Variants in DNAH17 observed in about 807,000 individuals in gnomAD.
The protein encoded by DNAH17 is axonemal beta dynein heavy chain 17.
Under a neutral mutation model 485.6 loss-of-function variants are expected in DNAH17, and 376 were observed. That is an observed-to-expected ratio of 0.77 (90% CI 0.71 to 0.84). The LOEUF is 0.84. Among genes scored for constraint, DNAH17 ranks in the 40% least tolerant of loss-of-function variants. DNAH17 has a pLI of 0.00. For synonymous variants in DNAH17, 3,031 were observed against 2,405.9 expected (o/e 1.26, Z -7.60); for missense variants, 6,370 against 5,839.3 (o/e 1.09, Z -2.96).
chr17:78,430,315 AATAAG>A (rs145799402), intron 75 of DNAH17, among the ~76,000 whole-genome samples: 24,178 of 152,114 alleles, frequency 0.16, 2,038 homozygotes, highest in Middle Eastern at 0.2. Flanking sequence ...TTGGGATAAA[AATAAG>A]ATAATTGATT....
In DNAH17 at chr17:78,544,800, C is replaced by CAAAAAAAAAAAAAAAAAAAA. The variant is rs55669221; in HGVS notation, c.2392-823_2392-804dup. ...TGGGGCACAGAGCGAGACTCAGTCT[C>CAAAAAAAAAAAAAAAAAAAA]AAAAAAAAAAAAAAAAAAAAAAAAG... is the stretch of plus-strand genomic sequence containing the variant. On this transcript the variant is annotated intron_variant, in intron 16 of 80. Coordinates refer to ENST00000389840, the MANE Select transcript of DNAH17 (RefSeq NM_173628.4). Among the ~76,000 whole-genome samples, 83 of 46,872 alleles carry CAAAAAAAAAAAAAAAAAAAA rather than the reference C, an allele frequency of 1.8e-3. 8 individuals carry two copies. Among genetic ancestry groups the CAAAAAAAAAAAAAAAAAAAA allele is most frequent in the African/African-American group, 2.7e-3 (27 of 10,142 alleles). The allele number at this position is 46,872 out of a possible 152,430, so 30.7% of individuals were successfully genotyped here. A position where few individuals can be genotyped will look rare whatever the true frequency, so the allele number is the denominator to read the frequency against.
intron 16 of DNAH17, among the ~76,000 whole-genome samples, chr17:78,549,460 G>T (rs903601068): frequency 6.6e-6 from 1 of 152,182 alleles, no homozygotes; most frequent in East Asian, 1.9e-4. Context: ...TGATGCAGAG[G>T]TGAACTTCTT....
At position 78,468,620 on chromosome 17, in the gene DNAH17, G is replaced by C. The variant is rs770667634; in HGVS notation, c.8775C>G (p.Leu2925=). The change falls in exon 55 of 81, where the codon CTC becomes CTG. Residue 2925 remains leucine, a synonymous_variant. Transcript: ENST00000389840. ...CTGCCGAAGACGGGAGCCCCACCTTGAGCTGTCTGCGCACTTTTTCGATGA... is the reference window on the plus strand; with the variant it reads ...CTGCCGAAGACGGGAGCCCCACCTTCAGCTGTCTGCGCACTTTTTCGATGA... ...KFFIEKVRRQ[L]KVILCFSPVG... 3.7e-6 allele frequency: 6 copies of C among 1,612,192 alleles called. No homozygotes were observed. The South Asian group carries it at 6.6e-5, about 18-fold the overall frequency.
At chr17:78,525,417 T>C (rs965910578) in intron 24 of DNAH17, among the ~76,000 whole-genome samples, 3 of 152,246 alleles carry the variant, frequency 2.0e-5, no homozygotes, top group African/African-American at 4.8e-5. Flanking sequence ...ATGGGCATGG[T>C]AAATGCCTCA....
Position 78,523,633 on chromosome 17 carries a change from T to C in DNAH17, c.3864+1376A>G, listed in dbSNP as rs987400893. On this transcript the variant is annotated intron_variant, in intron 25 of 80. Coordinates refer to ENST00000389840, the MANE Select transcript of DNAH17 (RefSeq NM_173628.4). ...GTCAAATAAGCCCATGAGAAGATAC[T>C]GGAGGCTGATGCCTGTAATACCAGC... Among the ~76,000 whole-genome samples the C allele has an allele frequency of 2.6e-5, 4 of 152,248 alleles. No individual in the cohort carries two copies. The East Asian group carries it at 7.7e-4, about 29-fold the overall frequency.
rs1453260698 is a variant in DNAH17, at chr17:78,510,519, A to T, written c.4114-13T>A. On this transcript the variant is annotated splice_polypyrimidine_tract_variant and intron_variant, in intron 26 of 80. Transcript: ENST00000389840. ...TTTTAAATTTCACCTAAGGGAAAAA[A>T]ATCCAGGCAGGATTCATTTCAGGTC... The T allele has an allele frequency of 6.2e-7, 1 of 1,613,412 alleles. No individual in the cohort carries two copies. The highest frequency in any genetic ancestry group is 2.2e-5 in the East Asian group (1 of 44,860).
chr17:78,518,983 A>T (rs891384999), intron 25 of DNAH17, among the ~76,000 whole-genome samples: 1 of 152,052 alleles, frequency 6.6e-6, no homozygotes, highest in South Asian at 2.1e-4. Context: ...TCTGGCTAAC[A>T]TGGTGAAACC....
chr17:78,501,750 C>T lies in DNAH17; in HGVS notation c.5314G>A (p.Val1772Met), dbSNP rs369607138. Residue 1772 changes from valine to methionine, a missense_variant, in exon 34 of 81, where the codon GTG (valine) becomes ATG (methionine). By Grantham distance (21) the Val-to-Met change is conservative. Transcript: ENST00000389840. The part of the protein sequence containing the change: ...HARDVVAKMI[V>M]AKVESSQAFT... Reference sequence around the variant, plus strand: ...GACAGGGGCGCTCATGCCTTGGCCACGATCATTTTGGCCACCACGTCCCGT... The same window carrying T: ...GACAGGGGCGCTCATGCCTTGGCCATGATCATTTTGGCCACCACGTCCCGT... 3,056 of 1,613,142 alleles carry T rather than the reference C, an allele frequency of 1.9e-3. 71 individuals carry two copies. The South Asian group carries it at 0.03, about 16-fold the overall frequency.
chr17:78,565,301 G>A (rs2092244941), intron 11 of DNAH17, among the ~76,000 whole-genome samples: 1 of 152,246 alleles, frequency 6.6e-6, no homozygotes, highest in South Asian at 2.1e-4. Flanking sequence ...CCACAGCAAG[G>A]AGGTGCTGTA....
chr17:78,497,920 A>G (rs1172589537), intron 37 of DNAH17, among the ~76,000 whole-genome samples: 1 of 152,140 alleles, frequency 6.6e-6, no homozygotes, highest in East Asian at 1.9e-4. Flanking sequence ...AGGTGGGTGG[A>G]TCACCTGAGG....
chr17:78,565,756 C>T (rs2143686856), intron 11 of DNAH17, among the ~76,000 whole-genome samples: 1 of 152,272 alleles, frequency 6.6e-6, no homozygotes, highest in East Asian at 1.9e-4. Flanking sequence ...GAGTTCGAGA[C>T]CAGCCCAACA....
At chr17:78,551,023 A>AGCCT (rs1432927202) in intron 16 of DNAH17, among the ~76,000 whole-genome samples, 1 of 152,230 alleles carries the variant, frequency 6.6e-6, no homozygotes, top group Non-Finnish European at 1.5e-5. Context: ...GTTCAAGACC[A>AGCCT]GCCTGGGCAA....
rs567911961 is a variant in DNAH17 at position 78,533,156 on chromosome 17, G to A, written c.2860-420C>T. The A allele has an allele frequency of 9.7e-5, 18 of 184,998 alleles. No homozygotes were observed. In the South Asian group the frequency reaches 1.7e-3, roughly 18 times the overall value. The allele number at this position is 184,998 out of a possible 1,614,324, so 11.5% of individuals were successfully genotyped here. ...ACGTTTGTCTGGGGAACCCCGAGAT[G>A]ACTCACACATTGATTCATTCATTCG... On this transcript the variant is annotated intron_variant, in intron 19 of 80. Transcript: ENST00000389840.
chr17:78,459,902 G>A lies in DNAH17; in HGVS notation c.9535C>T (p.Pro3179Ser), dbSNP rs773073825. 6.2e-7 allele frequency: 1 copy of A among 1,613,994 alleles called. No individual in the cohort carries two copies. Among genetic ancestry groups the A allele is most frequent in the Non-Finnish European group, 8.5e-7 (1 of 1,179,892 alleles). The change falls in exon 60 of 81, where the codon CCC becomes TCC. Residue 3179 changes from proline to serine, a missense_variant. Coordinates refer to ENST00000389840, the MANE Select transcript of DNAH17 (RefSeq NM_173628.4). ...MILTAPGGKI[P>S]KDKSWKAAKI... Reference sequence around the variant, plus strand: ...GCCGCCTTCCAGCTCTTGTCCTTGGGGATCTTGCCCCCAGGTGCGGTCAGA... The same window carrying A: ...GCCGCCTTCCAGCTCTTGTCCTTGGAGATCTTGCCCCCAGGTGCGGTCAGA...
chr17:78,450,625 C>T lies in DNAH17; in HGVS notation c.10899+57G>A, dbSNP rs781742877. On this transcript the variant is annotated intron_variant, in intron 67 of 80. Transcript: ENST00000389840. ...TCATGGTAGGGAGGCGCCGATCGCC[C>T]GTGGCCCAGCCTCCCAAGCCCTGGC... is the stretch of plus-strand genomic sequence containing the variant. 354 of 1,571,432 alleles carry T rather than the reference C, an allele frequency of 2.3e-4. 1 individual carries two copies. Among genetic ancestry groups the T allele is most frequent in the Middle Eastern group, 1.1e-3 (5 of 4,666 alleles).
At chr17:78,521,215 G>C (rs2090924550) in intron 25 of DNAH17, among the ~76,000 whole-genome samples, 2 of 152,186 alleles carry the variant, frequency 1.3e-5, no homozygotes, top group Admixed American at 6.5e-5. Flanking sequence ...AGACCAGCCT[G>C]GCCAACATGG....
chr17:78,450,578 C>T (rs895217013), intron 67 of DNAH17, 104 bp downstream of exon 67: 2 of 1,468,330 alleles, frequency 1.4e-6, no homozygotes, highest in African/African-American at 1.4e-5. Flanking sequence ...GCACGTATGA[C>T]CGAAGCTGCT....
chr17:78,532,384 A>G (rs1435114857), intron 20 of DNAH17, 98 bp downstream of exon 20: 1 of 1,447,434 alleles, frequency 6.9e-7, no homozygotes, highest in Non-Finnish European at 9.2e-7. Context: ...GGAAACCTGC[A>G]TCTTAAAACA....
In DNAH17 at chr17:78,540,087, A is replaced by G. The variant is rs571297729; in HGVS notation, c.2533-207T>C. 1.4e-4 allele frequency among the ~76,000 whole-genome samples: 21 copies of G among 152,096 alleles called. No homozygotes were observed. The South Asian group carries it at 2.3e-3, about 17-fold the overall frequency. On this transcript the variant is annotated intron_variant, in intron 17 of 80. Coordinates refer to ENST00000389840, the MANE Select transcript of DNAH17 (RefSeq NM_173628.4). ...ACTTTCTTGCTGGGTCTGGCTTCCA[A>G]TCTTTTTGATTTCAGCTCAAATGTC...
Sources: gnomAD v4.1 joint callset for allele counts (sites outside exome capture counted in the v4.1 genomes callset) on GRCh38, gnomAD v4.1.1 for gene constraint, MANE v1.5 for transcripts, NCBI Gene and HGNC (gene_info 2026-07-23, HGNC 2026-07-21) for gene names.